PPFIBP1: variants seen among roughly 807,000 people sequenced by gnomAD.
The protein encoded by PPFIBP1 is PPFIB scaffold protein 1.
Under a neutral mutation model 137.8 loss-of-function variants are expected in PPFIBP1, and 112 were observed. The observed-to-expected ratio is 0.81, with a 90% CI of 0.70 to 0.95. PPFIBP1 has a LOEUF of 0.95. Ranked by LOEUF, PPFIBP1 falls within the 40% of genes least tolerant of loss-of-function variation. The pLI is 0.00. For synonymous variants in PPFIBP1, 378 were observed against 417.3 expected (o/e 0.91, Z 1.15); for missense variants, 1,083 against 1,196.6 (o/e 0.91, Z 1.40).
At chr12:27,651,991 G>A (rs2058902526) in intron 7 of PPFIBP1, among the ~76,000 whole-genome samples, 1 of 152,040 alleles carries the variant, frequency 6.6e-6, no homozygotes, top group South Asian at 2.1e-4. Context: ...AAAATTCAGT[G>A]TTATTTCTAA....
Position 27,679,964 on chromosome 12 carries a change from C to G in PPFIBP1, c.1798C>G (p.Pro600Ala), listed in dbSNP as rs1566003144. The part of the protein sequence containing the change: ...LRRSQSTTFN[P>A]DDMSEPEFKR... ...GAGAAGTCAATCAACTACATTCAAC[C>G]CAGATGACATGTCTGAGCCTGAATT... Residue 600 changes from proline (P) to alanine (A), a missense_variant, in exon 21 of 30, where the codon CCA becomes GCA. Pro to Ala is a conservative substitution (Grantham distance 27). Coordinates refer to ENST00000228425, the MANE Select transcript of PPFIBP1 (RefSeq NM_003622.4). 6.2e-7 allele frequency: 1 copy of G among 1,614,062 alleles called. No homozygotes were observed. The highest frequency in any genetic ancestry group is 1.7e-5 in the Admixed American group (1 of 60,006).
At chr12:27,581,233 T>C (rs754048550) in intron 2 of PPFIBP1, among the ~76,000 whole-genome samples, 2 of 152,198 alleles carry the variant, frequency 1.3e-5, no homozygotes, top group African/African-American at 4.8e-5. Context: ...GTGGCACGTA[T>C]ATGAAATTTC....
At chr12:27,540,471 A>G (rs1347898228) in intron 1 of PPFIBP1, among the ~76,000 whole-genome samples, 2 of 152,146 alleles carry the variant, frequency 1.3e-5, no homozygotes, top group Non-Finnish European at 2.9e-5. Flanking sequence ...AAAAAAAAAA[A>G]AAGTGATCTT....
intron 1 of PPFIBP1, among the ~76,000 whole-genome samples, chr12:27,571,765 C>G (rs1175115134): frequency 6.6e-6 from 1 of 151,986 alleles, no homozygotes; most frequent in Non-Finnish European, 1.5e-5. Context: ...TTCAGAATGG[C>G]CTTTCACAAT....
At chr12:27,540,568 T>G (rs1479742731) in intron 1 of PPFIBP1, among the ~76,000 whole-genome samples, 1 of 152,216 alleles carries the variant, frequency 6.6e-6, no homozygotes, top group Non-Finnish European at 1.5e-5. Context: ...CATTCAGTAT[T>G]TTCTGTATTT....
In PPFIBP1 at chr12:27,671,561, A is replaced by G; in HGVS notation, c.1262+15A>G. 2.1e-6 allele frequency: 3 copies of G among 1,451,394 alleles called. No homozygotes were observed. The highest frequency in any genetic ancestry group is 2.9e-6 in the Non-Finnish European group (3 of 1,051,928). The allele number at this position is 1,451,394 out of a possible 1,614,324, so 89.9% of individuals were successfully genotyped here. On this transcript the variant is annotated intron_variant, in intron 14 of 29. Transcript: ENST00000228425. ...TTTGAAGAAAAGTATGTCATTTATT[A>G]ACAGTGCAATATAAATGTTCAAAAA...
chr12:27,664,843 G>C (rs140669233), intron 12 of PPFIBP1, among the ~76,000 whole-genome samples: 274 of 152,266 alleles, frequency 1.8e-3, no homozygotes, highest in Non-Finnish European at 2.3e-3. Flanking sequence ...TAGCGCAAGG[G>C]GTGGAGTTAA....
At chr12:27,555,632 T>C (rs978311316) in intron 1 of PPFIBP1, among the ~76,000 whole-genome samples, 2 of 152,192 alleles carry the variant, frequency 1.3e-5, no homozygotes, top group Non-Finnish European at 2.9e-5. Flanking sequence ...CTTCCCCTTT[T>C]CTCTATGGAG....
rs3751227 is a variant in PPFIBP1, at chr12:27,593,706, G to T, written c.-36+15467G>T. On this transcript the variant is annotated intron_variant, in intron 2 of 29. Transcript: ENST00000228425. ...TGGGAACTTGTTTATCCACAGGTTG[G>T]CTCCATTTAGAAGCCTATTAGCTAT... is the stretch of plus-strand genomic sequence containing the variant. 4 of 595,852 alleles carry T rather than the reference G, an allele frequency of 6.7e-6. No individual in the cohort carries two copies. In the Admixed American group the frequency reaches 9.4e-5, roughly 14 times the overall value. The allele number at this position is 595,852 out of a possible 1,614,324, so 36.9% of individuals were successfully genotyped here.
intron 2 of PPFIBP1, chr12:27,599,430 C>G (rs911997016): frequency 2.2e-6 from 1 of 455,494 alleles, no homozygotes; most frequent in Non-Finnish European, 4.4e-6. Flanking sequence ...TTTTCTGGGT[C>G]TCCAGCTTGC....
chr12:27,547,996 T>C (rs1395745057), intron 1 of PPFIBP1: 1 of 152,180 alleles, frequency 6.6e-6, no homozygotes, highest in African/African-American at 2.4e-5. Context: ...GGCAAGTCCC[T>C]TTATATGGAA....
chr12:27,673,294 T>C (rs542499599), intron 15 of PPFIBP1, among the ~76,000 whole-genome samples: 2 of 152,338 alleles, frequency 1.3e-5, no homozygotes, highest in South Asian at 4.1e-4. Context: ...TCCTCTACTA[T>C]GCTTTAATTA....
At chr12:27,538,670 T>C (rs1945316356) in intron 1 of PPFIBP1, among the ~76,000 whole-genome samples, 2 of 152,214 alleles carry the variant, frequency 1.3e-5, no homozygotes, top group South Asian at 4.1e-4. Context: ...GATTGGTTCA[T>C]TCAACCAATA....
intron 1 of PPFIBP1, among the ~76,000 whole-genome samples, chr12:27,543,254 T>C (rs1945857067): frequency 6.6e-6 from 1 of 152,256 alleles, no homozygotes; most frequent in South Asian, 2.1e-4. Flanking sequence ...AAGTAACTAC[T>C]ATAAATACTT....
At chr12:27,530,179 CA>C (rs1475782572) in intron 1 of PPFIBP1, among the ~76,000 whole-genome samples, 1 of 152,218 alleles carries the variant, frequency 6.6e-6, no homozygotes, top group Non-Finnish European at 1.5e-5. Context: ...CCTCTTATAA[CA>C]ACACAGTATA....
intron 2 of PPFIBP1, chr12:27,594,154 C>A: frequency 9.5e-6 from 4 of 422,384 alleles, no homozygotes; most frequent in African/African-American, 2.1e-5. Flanking sequence ...TAAGCAAAAA[C>A]ATTATCCATC....
intron 2 of PPFIBP1, among the ~76,000 whole-genome samples, chr12:27,602,461 A>T (rs1385156163): frequency 2.0e-5 from 3 of 152,236 alleles, no homozygotes; most frequent in African/African-American, 4.8e-5. Flanking sequence ...TCAAGTATAT[A>T]AAAGAATATT....
intron 2 of PPFIBP1, among the ~76,000 whole-genome samples, chr12:27,616,209 A>C (rs1332077106): frequency 6.6e-6 from 1 of 151,914 alleles, no homozygotes; most frequent in East Asian, 1.9e-4. Flanking sequence ...TTTTTCTTTA[A>C]AAATCTGGCT....
intron 5 of PPFIBP1, chr12:27,646,435 G>A: frequency 4.9e-6 from 2 of 405,226 alleles, no homozygotes; most frequent in Non-Finnish European, 4.7e-6. Flanking sequence ...TTGGAGGCGG[G>A]GTCTTGTTAC....
Sources: allele counts gnomAD v4.1 joint callset (sites outside exome capture counted in the v4.1 genomes callset), GRCh38; gene constraint gnomAD v4.1.1; transcripts MANE v1.5; gene names NCBI Gene and HGNC (gene_info 2026-07-23, HGNC 2026-07-21).